The following BORCS5 variants were observed in gnomAD, a reference collection of about 807,000 sequenced individuals.
BORCS5 encodes BLOC-1-related complex subunit 5.
BORCS5 carries 17 observed loss-of-function variants against 22.1 expected under a neutral mutation model. The observed-to-expected ratio is 0.77, with a 90% CI of 0.53 to 1.15. BORCS5 has a LOEUF of 1.15. Among genes scored for constraint, BORCS5 ranks in the 50% most tolerant of loss-of-function variants. The pLI is 0.00. For synonymous variants in BORCS5, 117 were observed against 99.8 expected, an observed-to-expected ratio of 1.17 and a Z score of -1.03; for missense variants, 247 against 253.2, an observed-to-expected ratio of 0.98 and a Z score of 0.17.
chr12:12,451,610 G>A (rs571766411), intron 3 of BORCS5, among the ~76,000 whole-genome samples: 2 of 152,260 alleles, frequency 1.3e-5, no homozygotes, highest in African/African-American at 2.4e-5. Flanking sequence ...CTGGCTGGGC[G>A]CAGTGGCTCA....
At chr12:12,397,205 A>G (rs1189176680) in intron 2 of BORCS5, among the ~76,000 whole-genome samples, 2 of 152,234 alleles carry the variant, frequency 1.3e-5, no homozygotes, top group Non-Finnish European at 2.9e-5. Context: ...ATGTCCACCT[A>G]GACTCCCAAG....
chr12:12,447,790 G>C (rs143535766), intron 3 of BORCS5, among the ~76,000 whole-genome samples: 1 of 152,156 alleles, frequency 6.6e-6, no homozygotes, highest in Admixed American at 6.5e-5. Flanking sequence ...CCTTAGCTGA[G>C]GTTTTAAGAT....
intron 2 of BORCS5, among the ~76,000 whole-genome samples, chr12:12,429,202 A>G (rs978723685): frequency 6.6e-6 from 1 of 152,204 alleles, no homozygotes; most frequent in Non-Finnish European, 1.5e-5. Context: ...AAAAATGACA[A>G]AATTTACCGT....
chr12:12,359,154 C>A (rs1863217553), intron 1 of BORCS5, among the ~76,000 whole-genome samples: 1 of 152,122 alleles, frequency 6.6e-6, no homozygotes, highest in Admixed American at 6.6e-5. Context: ...TACTTTCTCC[C>A]AAGGAACCTG....
At chr12:12,435,811 T>G (rs763772944) in intron 3 of BORCS5, 26 bp downstream of exon 3, 1 of 1,599,034 alleles carries the variant, frequency 6.3e-7, no homozygotes, top group South Asian at 1.1e-5. Context: ...AAAATAACAT[T>G]GCTGACTGGT....
chr12:12,410,430 C>G (rs9738409), intron 2 of BORCS5, among the ~76,000 whole-genome samples: 5 of 151,736 alleles, frequency 3.3e-5, no homozygotes, highest in African/African-American at 1.2e-4. Context: ...GATCCAGTTT[C>G]AGCTTTCTAC....
chr12:12,374,276 C>T (rs901122476), intron 2 of BORCS5, among the ~76,000 whole-genome samples: 1 of 151,760 alleles, frequency 6.6e-6, no homozygotes, highest in African/African-American at 2.4e-5. Context: ...CAGGTGTGAG[C>T]CACCGCACCC....
In BORCS5 at chr12:12,401,023, C is replaced by G. The variant is rs117424900; in HGVS notation, c.203-34605C>G. 2.3e-3 allele frequency among the ~76,000 whole-genome samples: 349 copies of G among 152,270 alleles called. 1 individual carries two copies. The highest frequency in any genetic ancestry group is 3.9e-3 in the Non-Finnish European group (262 of 68,024). On this transcript the variant is annotated intron_variant, in intron 2 of 3. Transcript: ENST00000314565. ...TTTTCACTGCTGCGTAGTATTCCATCAAATGAATATTTCACAGTGTATCCA... is the reference window on the plus strand; with the variant it reads ...TTTTCACTGCTGCGTAGTATTCCATGAAATGAATATTTCACAGTGTATCCA...
At position 12,357,446 on chromosome 12, in the gene BORCS5, G is replaced by A. The variant is rs1863167204; in HGVS notation, c.-6G>A. 1 of 1,606,456 alleles carries A rather than the reference G, an allele frequency of 6.2e-7. No homozygotes were observed. Among genetic ancestry groups the A allele is most frequent in the Non-Finnish European group, 8.5e-7 (1 of 1,174,052 alleles). On this transcript the variant is annotated 5_prime_UTR_variant, in exon 1 of 4. Coordinates refer to ENST00000314565, the MANE Select transcript of BORCS5 (RefSeq NM_058169.6). ...CCGTTCTTCTGCTGCCACCGCTGTC[G>A]GCACCATGGGCAGTGAGCAGAGCTC...
chr12:12,421,461 A>T (rs1942120473), intron 2 of BORCS5, among the ~76,000 whole-genome samples: 1 of 152,164 alleles, frequency 6.6e-6, no homozygotes, highest in Admixed American at 6.5e-5. Flanking sequence ...CCAGTATTTT[A>T]TTGAGGATTT....
At chr12:12,392,960 G>T (rs1941234491) in intron 2 of BORCS5, among the ~76,000 whole-genome samples, 1 of 152,050 alleles carries the variant, frequency 6.6e-6, no homozygotes. Flanking sequence ...CAGGTGTGGT[G>T]GCTCATGCCT....
intron 2 of BORCS5, among the ~76,000 whole-genome samples, chr12:12,422,689 C>A (rs1942165913): frequency 6.6e-6 from 1 of 152,104 alleles, no homozygotes; most frequent in African/African-American, 2.4e-5. Flanking sequence ...AAAAACTCTG[C>A]TCCTTTCCAG....
At chr12:12,414,825 T>A (rs1486111962) in intron 2 of BORCS5, among the ~76,000 whole-genome samples, 1 of 143,164 alleles carries the variant, frequency 7.0e-6, no homozygotes, top group Non-Finnish European at 1.5e-5. Flanking sequence ...GTTTCCTCAC[T>A]TCTCAGACGG....
chr12:12,438,588 C>T (rs915331127), intron 3 of BORCS5, among the ~76,000 whole-genome samples: 1 of 151,992 alleles, frequency 6.6e-6, no homozygotes, highest in African/African-American at 2.4e-5. Flanking sequence ...GTTAAAATTA[C>T]TCGGAAGTTT....
At chr12:12,408,283 G>A (rs1191801653) in intron 2 of BORCS5, among the ~76,000 whole-genome samples, 1 of 152,190 alleles carries the variant, frequency 6.6e-6, no homozygotes, top group Non-Finnish European at 1.5e-5. Flanking sequence ...ATCTGTATGA[G>A]TCCCTGCTTT....
intron 3 of BORCS5, among the ~76,000 whole-genome samples, chr12:12,458,527 TG>T (rs1376497872): frequency 6.6e-6 from 1 of 152,072 alleles, no homozygotes; most frequent in Non-Finnish European, 1.5e-5. Context: ...TATTATGAAA[TG>T]TTCTCAGTCT....
intron 2 of BORCS5, among the ~76,000 whole-genome samples, chr12:12,431,484 G>C (rs1277147746): frequency 6.9e-6 from 1 of 145,142 alleles, no homozygotes; most frequent in Non-Finnish European, 1.5e-5. Context: ...CTCACTGCAA[G>C]CTCCGCCTCC....
chr12:12,392,610 T>G (rs978655607), intron 2 of BORCS5, among the ~76,000 whole-genome samples: 2 of 152,102 alleles, frequency 1.3e-5, no homozygotes, highest in Admixed American at 1.3e-4. Context: ...ATCTATAAAT[T>G]GAGACTAAAA....
intron 2 of BORCS5, among the ~76,000 whole-genome samples, chr12:12,418,443 T>G (rs1215772271): frequency 6.6e-6 from 1 of 152,128 alleles, no homozygotes; most frequent in Non-Finnish European, 1.5e-5. Flanking sequence ...CCCAGCACTT[T>G]GAGAGGCTGA....
Sources: gnomAD v4.1 joint callset for allele counts (sites outside exome capture counted in the v4.1 genomes callset) on GRCh38, gnomAD v4.1.1 for gene constraint, MANE v1.5 for transcripts, NCBI Gene and HGNC (gene_info 2026-07-23, HGNC 2026-07-21) for gene names.